Variants in TJP1 observed in about 807,000 individuals in gnomAD.
TJP1 encodes the protein tight junction protein ZO-1.
TJP1 carries 43 observed loss-of-function variants against 194.2 expected under a neutral mutation model. The ratio of observed to expected loss-of-function variants is 0.22; its 90% CI spans 0.17 to 0.29. TJP1 has a LOEUF of 0.29. Ranked by LOEUF, TJP1 falls within the 10% of genes least tolerant of loss-of-function variation. TJP1 has a pLI of 1.00. For missense variants in TJP1, 1,971 were observed against 2,185.7 expected, an observed-to-expected ratio of 0.90 and a Z score of 1.96; for synonymous variants, 801 against 779.0, an observed-to-expected ratio of 1.03 and a Z score of -0.47.
chr15:29,907,310 G>A (rs957533811), intron 2 of TJP1, among the ~76,000 whole-genome samples: 1 of 152,098 alleles, frequency 6.6e-6, no homozygotes, highest in Non-Finnish European at 1.5e-5. Flanking sequence ...TCGGGAAGCT[G>A]AGGCAGGAGA....
chr15:29,934,356 T>C (rs1329644433), intron 2 of TJP1, among the ~76,000 whole-genome samples: 2 of 152,198 alleles, frequency 1.3e-5, no homozygotes, highest in African/African-American at 2.4e-5. Context: ...GCAAAACAAT[T>C]CACGGTGAAA....
rs2043770814 is a variant in TJP1, at chr15:29,733,016, A to G, written c.1736+78T>C. 5 of 1,498,594 alleles carry G rather than the reference A, an allele frequency of 3.3e-6. No homozygotes were observed. The South Asian group carries it at 6.1e-5, about 18-fold the overall frequency. 92.8% of individuals were successfully genotyped at this position (1,498,594 alleles called of 1,614,324 possible). ...ATGAAAAAGAATTCTTTACATTACC[A>G]AAATTTCCCAGTGGGATTGAAATGA... On this transcript the variant is annotated intron_variant, in intron 13 of 27. Transcript: ENST00000614355.
Position 29,720,423 on chromosome 15 carries a change from G to C in TJP1, c.2698C>G (p.Pro900Ala). ...TGAATTGGTTGTGGCTGCGCTTGTG[G>C]TGAGTAAGGAGGATATGTTTGGTTT... is the stretch of plus-strand genomic sequence containing the variant. ...HENQTYPPYS[P>A]QAQPQPIHRI... is the part of the protein sequence containing the mutation. Residue 900 changes from proline to alanine, a missense_variant, in exon 19 of 28, where the codon CCA (proline) becomes GCA (alanine). By Grantham distance (27) the Pro-to-Ala change is conservative. Transcript: ENST00000614355. The C allele has an allele frequency of 6.2e-7, 1 of 1,613,798 alleles. No homozygotes were observed. Among genetic ancestry groups the C allele is most frequent in the Non-Finnish European group, 8.5e-7 (1 of 1,179,854 alleles).
intron 1 of TJP1, chr15:29,820,392 A>G: frequency 3.2e-6 from 2 of 623,660 alleles, no homozygotes; most frequent in East Asian, 2.7e-5. Context: ...CTTAAAAAAA[A>G]GCTTTCAACT....
chr15:29,816,783 A>C (rs1371301874), intron 1 of TJP1, among the ~76,000 whole-genome samples: 2 of 152,204 alleles, frequency 1.3e-5, no homozygotes, highest in African/African-American at 4.8e-5. Context: ...GATATCAAGA[A>C]AAGCCCACTG....
At chr15:29,748,636 A>G (rs899650753) in intron 8 of TJP1, among the ~76,000 whole-genome samples, 2 of 135,506 alleles carry the variant, frequency 1.5e-5, no homozygotes, top group African/African-American at 5.7e-5. Context: ...GCAGTGGCAC[A>G]ATCATACTTC....
intron 2 of TJP1, among the ~76,000 whole-genome samples, chr15:29,912,436 G>C (rs566107977): frequency 6.6e-6 from 1 of 152,172 alleles, no homozygotes; most frequent in Non-Finnish European, 1.5e-5. Flanking sequence ...GGGGCCGGGC[G>C]TGGTGGCTCA....
intron 2 of TJP1, among the ~76,000 whole-genome samples, chr15:29,903,570 A>G (rs1034216509): frequency 4.0e-5 from 6 of 151,738 alleles, no homozygotes; most frequent in Middle Eastern, 3.2e-3. Flanking sequence ...TCAGCCTCCC[A>G]AGTAGCTGGG....
At chr15:29,924,817 G>A (rs1718985) in intron 2 of TJP1, among the ~76,000 whole-genome samples, 28,909 of 152,092 alleles carry the variant, frequency 0.19, 2,838 homozygotes, top group East Asian at 0.34. Context: ...TTTGCAAGTC[G>A]GCTGCAGTTA....
At chr15:29,801,753 G>A (rs1009131284) in intron 1 of TJP1, among the ~76,000 whole-genome samples, 35 of 152,066 alleles carry the variant, frequency 2.3e-4, no homozygotes, top group African/African-American at 8.2e-4. Context: ...GAGCCACCGC[G>A]CCCGGCCGAA....
chr15:29,879,191 C>A (rs2052831508), intron 2 of TJP1, among the ~76,000 whole-genome samples: 1 of 152,176 alleles, frequency 6.6e-6, no homozygotes, highest in South Asian at 2.1e-4. Flanking sequence ...TTTCCTCCAT[C>A]CCCTGACATT....
chr15:29,850,144 C>T (rs935957845), intron 2 of TJP1, among the ~76,000 whole-genome samples: 35 of 152,124 alleles, frequency 2.3e-4, no homozygotes, highest in African/African-American at 7.0e-4. Flanking sequence ...AAACCTCACA[C>T]CTTATACAAA....
chr15:29,915,466 A>G (rs1257453409), intron 2 of TJP1, among the ~76,000 whole-genome samples: 1 of 152,186 alleles, frequency 6.6e-6, no homozygotes, highest in Non-Finnish European at 1.5e-5. Flanking sequence ...CTCCCTTCCA[A>G]CTGGAAAATC....
At chr15:29,807,792 A>C (rs942612550) in intron 1 of TJP1, among the ~76,000 whole-genome samples, 1 of 152,214 alleles carries the variant, frequency 6.6e-6, no homozygotes, top group Non-Finnish European at 1.5e-5. Flanking sequence ...AGTTTAAAAA[A>C]GTTATAATGG....
At chr15:29,704,436 C>A in intron 26 of TJP1, 131 bp from the exon 27 acceptor site, 2 of 1,068,686 alleles carry the variant, frequency 1.9e-6, no homozygotes, top group South Asian at 3.2e-5. Flanking sequence ...GTCGCACTGA[C>A]CACAAAAAAA....
intron 2 of TJP1, among the ~76,000 whole-genome samples, chr15:29,874,062 G>T (rs1251836954): frequency 1.3e-5 from 2 of 152,200 alleles, no homozygotes; most frequent in Non-Finnish European, 2.9e-5. Context: ...CCCACGGGGA[G>T]TTGCACAGCT....
intron 2 of TJP1, among the ~76,000 whole-genome samples, chr15:29,870,476 A>T (rs2052474136): frequency 6.6e-6 from 1 of 152,232 alleles, no homozygotes; most frequent in Non-Finnish European, 1.5e-5. Context: ...GCTGGGTTAG[A>T]TTTGATGAAA....
chr15:29,725,571 G>A (rs373859564), intron 18 of TJP1, among the ~76,000 whole-genome samples: 48 of 151,056 alleles, frequency 3.2e-4, no homozygotes, highest in African/African-American at 1.0e-3. Flanking sequence ...AAAGGTAAAA[G>A]ACATTTAAAA....
chr15:29,737,974 CCT>C (rs920102328), intron 10 of TJP1, among the ~76,000 whole-genome samples: 4 of 152,074 alleles, frequency 2.6e-5, no homozygotes, highest in Non-Finnish European at 5.9e-5. Context: ...CTCTGCTGCC[CCT>C]CTGAGTTTTA....
Sources: allele counts gnomAD v4.1 joint callset (sites outside exome capture counted in the v4.1 genomes callset), GRCh38; gene constraint gnomAD v4.1.1; transcripts MANE v1.5; gene names NCBI Gene and HGNC (gene_info 2026-07-23, HGNC 2026-07-21).